The following INTS6L variants were observed in gnomAD, a reference collection of about 807,000 sequenced individuals.
INTS6L encodes the protein integrator complex subunit 6-like.
A neutral mutation model predicts 64.7 loss-of-function variants in INTS6L; 18 were observed. The observed-to-expected ratio is 0.28, with a 90% confidence interval of 0.19 to 0.41. The LOEUF (loss-of-function observed/expected upper bound fraction) is 0.41. Ranked by LOEUF, INTS6L falls within the 10% of genes least tolerant of loss-of-function variation. The pLI is 1.00. For missense variants in INTS6L, 533 were observed against 661.0 expected, an observed-to-expected ratio of 0.81 and a Z score of 2.12; for synonymous variants, 227 against 235.9, an observed-to-expected ratio of 0.96 and a Z score of 0.34.
chrX:135,572,897 C>T lies in INTS6L; in HGVS notation c.1481C>T (p.Ser494Phe). Residue 494 changes from serine (S) to phenylalanine (F), a missense_variant, in exon 12 of 18, where the codon TCT (serine) becomes TTT (phenylalanine). Transcript: ENST00000639893. ...ATTGGAATTAAAGTGAAAAATCATT[C>T]TGGAGGTGGCATGTCCTTGACTCAC... ...QEIGIKVKNH[S>F]GGGMSLTHNK... 8.3e-7 allele frequency: 1 copy of T among 1,211,327 alleles called. No individual in the cohort carries two copies. The highest frequency in any genetic ancestry group is 1.1e-6 in the Non-Finnish European group (1 of 895,254).
intron 10 of INTS6L, chrX:135,570,213 G>GTTAC: frequency 3.5e-6 from 1 of 283,047 alleles, no homozygotes; most frequent in Non-Finnish European, 6.2e-6. Flanking sequence ...TGAATTTGCT[G>GTTAC]TTACTTGCTC....
intron 12 of INTS6L, 95 bp from the exon 13 acceptor site, chrX:135,573,844 A>C: frequency 1.0e-6 from 1 of 984,644 alleles, no homozygotes; most frequent in South Asian, 2.6e-5. Flanking sequence ...GTATTGATAT[A>C]ACACTCTTCA....
chrX:135,571,530 TA>T (rs2087091343), intron 11 of INTS6L: 1 of 111,575 alleles, frequency 9.0e-6, no homozygotes, highest in African/African-American at 3.3e-5. Flanking sequence ...ACAACTTCAG[TA>T]TGGTCTGGAG....
chrX:135,545,401 T>C, intron 2 of INTS6L, 22 bp from the exon 3 acceptor site: 2 of 1,203,910 alleles, frequency 1.7e-6, no homozygotes, highest in Non-Finnish European at 2.2e-6. Context: ...CAAGAAATTC[T>C]TTGTAAATGT....
intron 15 of INTS6L, among the ~76,000 whole-genome samples, chrX:135,578,613 C>T (rs970553402): frequency 1.3e-4 from 14 of 111,514 alleles, no homozygotes; most frequent in Middle Eastern, 9.3e-3. Flanking sequence ...ATTTACCCAG[C>T]GGTTCAGCTG....
At chrX:135,551,959 C>T in intron 7 of INTS6L, 35 bp from the exon 8 acceptor site, 1 of 1,079,676 alleles carries the variant, frequency 9.3e-7, no homozygotes, top group Non-Finnish European at 1.2e-6. Flanking sequence ...GAGACCTAAC[C>T]ATTTTTTCTG....
Position 135,546,404 on chromosome X carries a change from C to T in INTS6L, c.364C>T (p.Pro122Ser). 8.6e-7 allele frequency: 1 copy of T among 1,158,483 alleles called. No homozygotes were observed. Among genetic ancestry groups the T allele is most frequent in the Non-Finnish European group, 1.1e-6 (1 of 872,353 alleles). ...GQGRNPFFLE[P>S]SILITITDGN... ...GGGGAGAAATCCATTTTTTTTAGAA[C>T]CATCTATTTTAATTACCATCACAGA... is the stretch of plus-strand genomic sequence containing the variant. Residue 122 changes from proline to serine, a missense_variant, in exon 4 of 18, where the codon CCA becomes TCA. Pro to Ser is a moderately conservative substitution (Grantham distance 74). Coordinates refer to ENST00000639893, the MANE Select transcript of INTS6L (RefSeq NM_001351601.3).
chrX:135,558,912 A>G (rs2086712578), intron 9 of INTS6L, among the ~76,000 whole-genome samples: 1 of 107,630 alleles, frequency 9.3e-6, no homozygotes, highest in African/African-American at 3.4e-5. Flanking sequence ...CAGCCTCCCA[A>G]GTAGCTTGGA....
rs1179567575 is a variant in INTS6L at position 135,555,187 on chromosome X, C to T, written c.1060-981C>T. On this transcript the variant is annotated intron_variant, in intron 8 of 17. Transcript: ENST00000639893. ...TATAGGCGTGAGCCACCGCACTCAG[C>T]CACTACCAGCATAATTTATAAGAGA... is the stretch of plus-strand genomic sequence containing the variant. Among the ~76,000 whole-genome samples, 3 of 111,638 alleles carry T rather than the reference C, an allele frequency of 2.7e-5. No individual in the cohort carries two copies. The Admixed American group carries it at 2.8e-4, about 11-fold the overall frequency.
chrX:135,545,664 T>G (rs1287547118), intron 3 of INTS6L, 92 bp downstream of exon 3: 1 of 891,751 alleles, frequency 1.1e-6, no homozygotes, highest in African/African-American at 2.0e-5. Flanking sequence ...TTTCTGCTAC[T>G]TTTCATAACC....
At chrX:135,547,112 C>G in intron 5 of INTS6L, 25 bp from the exon 6 acceptor site, 1 of 1,198,928 alleles carries the variant, frequency 8.3e-7, no homozygotes, top group Non-Finnish European at 1.1e-6. Context: ...CAAACTTGTG[C>G]TATTTATTTT....
At chrX:135,541,937 TTAA>T (rs1433837163) in intron 2 of INTS6L, among the ~76,000 whole-genome samples, 1 of 112,149 alleles carries the variant, frequency 8.9e-6, no homozygotes, top group Non-Finnish European at 1.9e-5. Flanking sequence ...ATTTATCACA[TTAA>T]TAAGATTCTC....
At chrX:135,523,725 A>G (rs1442219808) in intron 2 of INTS6L, among the ~76,000 whole-genome samples, 1 of 112,241 alleles carries the variant, frequency 8.9e-6, no homozygotes, top group Non-Finnish European at 1.9e-5. Context: ...TAAAGGCTCC[A>G]GATAGTTCTA....
At position 135,546,793 on chromosome X, in the gene INTS6L, G is replaced by A. The variant is rs782637201; in HGVS notation, c.521G>A (p.Arg174His). Residue 174 changes from arginine (R) to histidine (H), a missense_variant, in exon 5 of 18, where the codon CGT becomes CAT. Arg to His is a conservative substitution (Grantham distance 29). Transcript: ENST00000639893. ...WDQRLFALVL[R>H]LPGVASTEPE... ...CAAAGGTTATTTGCCCTGGTGTTGCGTTTGCCTGGAGTGGCTTCTACCGAA... is the reference window on the plus strand; with the variant it reads ...CAAAGGTTATTTGCCCTGGTGTTGCATTTGCCTGGAGTGGCTTCTACCGAA... 64 of 1,210,009 alleles carry A rather than the reference G, an allele frequency of 5.3e-5. No individual in the cohort carries two copies. Among genetic ancestry groups the A allele is most frequent in the Non-Finnish European group, 6.6e-5 (59 of 895,175 alleles).
chrX:135,551,918 T>G (rs2086513865), intron 7 of INTS6L, 76 bp from the exon 8 acceptor site: 1 of 919,196 alleles, frequency 1.1e-6, no homozygotes, highest in Non-Finnish European at 1.4e-6. Flanking sequence ...TAAAACGACT[T>G]GCAGAATTGT....
chrX:135,530,664 G>T lies in INTS6L; in HGVS notation c.189+9346G>T, dbSNP rs1436470359. Among the ~76,000 whole-genome samples, 19 of 111,980 alleles carry T rather than the reference G, an allele frequency of 1.7e-4. 1 individual carries two copies. The Admixed American group carries it at 1.8e-3, about 11-fold the overall frequency. On this transcript the variant is annotated intron_variant, in intron 2 of 17. Transcript: ENST00000639893. ...TGCCTTTGCAGAGTTTTGTGTATCAGCCTGAGCCTTATCTGCTGGTGTGGT... is the reference window on the plus strand; with the variant it reads ...TGCCTTTGCAGAGTTTTGTGTATCATCCTGAGCCTTATCTGCTGGTGTGGT...
chrX:135,538,636 C>T (rs185218137), intron 2 of INTS6L, among the ~76,000 whole-genome samples: 3 of 112,382 alleles, frequency 2.7e-5, no homozygotes, highest in African/African-American at 3.2e-5. Flanking sequence ...TTTTCCCAGA[C>T]GCATCACAGG....
At chrX:135,551,160 T>C (rs1297073341) in intron 7 of INTS6L, among the ~76,000 whole-genome samples, 2 of 112,382 alleles carry the variant, frequency 1.8e-5, no homozygotes, top group Non-Finnish European at 3.8e-5. Context: ...TATTTTATCA[T>C]ATTCATATTA....
In INTS6L at chrX:135,531,748, C is replaced by G. The variant is rs1336603240; in HGVS notation, c.189+10430C>G. ...CCTGCCATTCTGAGCTCTCTAGTAT[C>G]TGTTCCACGTGTCGGTAAAAACTTA... is the stretch of plus-strand genomic sequence containing the variant. On this transcript the variant is annotated intron_variant, in intron 2 of 17. Transcript: ENST00000639893. Among the ~76,000 whole-genome samples the G allele has an allele frequency of 2.7e-5, 3 of 111,784 alleles. No individual in the cohort carries two copies. In the Admixed American group the frequency reaches 2.9e-4, roughly 11 times the overall value.
Sources: allele counts gnomAD v4.1 joint callset (sites outside exome capture counted in the v4.1 genomes callset), GRCh38; gene constraint gnomAD v4.1.1; transcripts MANE v1.5; gene names NCBI Gene and HGNC (gene_info 2026-07-23, HGNC 2026-07-21).